Variants in GPM6A observed in about 807,000 individuals in gnomAD.
GPM6A encodes glycoprotein M6A.
GPM6A carries 7 observed loss-of-function variants against 32.1 expected under a neutral mutation model. That is an observed-to-expected ratio of 0.22 (90% CI 0.12 to 0.41). The LOEUF is 0.41. Ranked by LOEUF, GPM6A falls within the 10% of genes least tolerant of loss-of-function variation. The probability of loss-of-function intolerance (pLI) is 1.00; values close to 1 mark genes in which losing one functional copy is unlikely to be tolerated. For synonymous variants in GPM6A, 130 were observed against 123.4 expected, an observed-to-expected ratio of 1.05 and a Z score of -0.35; for missense variants, 235 against 347.2, an observed-to-expected ratio of 0.68 and a Z score of 2.57.
chr4:175,745,307 T>G (rs893790445), intron 1 of GPM6A, among the ~76,000 whole-genome samples: 6 of 152,146 alleles, frequency 3.9e-5, no homozygotes, highest in Non-Finnish European at 8.8e-5. Flanking sequence ...CTTAACAAAT[T>G]TCAGTGAAAA....
At chr4:175,892,943 C>T (rs979979517) in intron 1 of GPM6A, among the ~76,000 whole-genome samples, 6 of 152,118 alleles carry the variant, frequency 3.9e-5, no homozygotes, top group Non-Finnish European at 5.9e-5. Flanking sequence ...TTGATGTCTC[C>T]TCTCTTTGGA....
chr4:175,713,631 A>G (rs1745673388), intron 1 of GPM6A, among the ~76,000 whole-genome samples: 1 of 152,232 alleles, frequency 6.6e-6, no homozygotes, highest in Non-Finnish European at 1.5e-5. Context: ...AATCATTAAG[A>G]ACACAGAGGC....
chr4:175,729,769 AT>A (rs1310020471), intron 1 of GPM6A, among the ~76,000 whole-genome samples: 1 of 138,920 alleles, frequency 7.2e-6, no homozygotes, highest in African/African-American at 2.7e-5. Flanking sequence ...TATATTATCT[AT>A]TATATTATTT....
At chr4:175,671,024 C>A (rs1004115802) in intron 3 of GPM6A, among the ~76,000 whole-genome samples, 1 of 151,808 alleles carries the variant, frequency 6.6e-6, no homozygotes, top group Non-Finnish European at 1.5e-5. Context: ...CCACCATGCC[C>A]GGCTAATTTT....
intron 2 of GPM6A, among the ~76,000 whole-genome samples, chr4:175,684,278 G>A (rs537566356): frequency 1.3e-5 from 2 of 152,116 alleles, no homozygotes; most frequent in East Asian, 3.9e-4. Flanking sequence ...ATTTTACTAT[G>A]CAACTTTAAA....
chr4:175,819,959 A>C (rs1735223593), intron 1 of GPM6A, among the ~76,000 whole-genome samples: 1 of 152,234 alleles, frequency 6.6e-6, no homozygotes, highest in Admixed American at 6.5e-5. Flanking sequence ...ACTCAGTTTA[A>C]ACAGCAATAA....
intron 3 of GPM6A, among the ~76,000 whole-genome samples, chr4:175,665,325 C>T (rs1429492976): frequency 6.6e-6 from 1 of 151,892 alleles, no homozygotes; most frequent in Admixed American, 6.6e-5. Flanking sequence ...CTAGGGACTC[C>T]CGAGGGATAG....
In GPM6A at chr4:175,999,185, T is replaced by C. The variant is rs138844157; in HGVS notation, c.-23+3124A>G. ...TCATAGTGATATACATGTAGTCTCA[T>C]AGTGATATACATGTAGTCAAGTAGA... On this transcript the variant is annotated intron_variant, in intron 1 of 7. Transcript: ENST00000280187. 4.6e-5 allele frequency among the ~76,000 whole-genome samples: 7 copies of C among 152,366 alleles called. No individual in the cohort carries two copies. The South Asian group carries it at 1.4e-3, about 32-fold the overall frequency.
chr4:175,661,621 A>T (rs1203877674), intron 3 of GPM6A, among the ~76,000 whole-genome samples: 2 of 152,154 alleles, frequency 1.3e-5, no homozygotes, highest in African/African-American at 4.8e-5. Flanking sequence ...CAGCCCCTCC[A>T]TTGTGACCTT....
At chr4:175,989,271 G>A (rs992976154) in intron 1 of GPM6A, among the ~76,000 whole-genome samples, 2 of 152,136 alleles carry the variant, frequency 1.3e-5, no homozygotes, top group African/African-American at 4.8e-5. Flanking sequence ...TGATGTAAAA[G>A]ATAAGAGAGA....
chr4:175,811,667 C>T lies in GPM6A; in HGVS notation c.37+524G>A, dbSNP rs977244712. The stretch of plus-strand genomic sequence containing the variant: ...GAAAATTTATGAACTTTTGCTCCAT[C>T]TGCTTAAACCTATATTGCATCCTCG... On this transcript the variant is annotated intron_variant, in intron 1 of 6. Transcript: ENST00000393658. 3.9e-5 allele frequency among the ~76,000 whole-genome samples: 6 copies of T among 152,172 alleles called. No individual in the cohort carries two copies. In the South Asian group the frequency reaches 6.2e-4, roughly 16 times the overall value.
At chr4:175,724,831 G>A (rs967751707) in intron 1 of GPM6A, among the ~76,000 whole-genome samples, 4 of 151,952 alleles carry the variant, frequency 2.6e-5, no homozygotes, top group Non-Finnish European at 4.4e-5. Flanking sequence ...TGCCAAGACC[G>A]TGCATGATGT....
intron 1 of GPM6A, among the ~76,000 whole-genome samples, chr4:175,858,228 A>C (rs1191013340): frequency 6.6e-6 from 1 of 152,184 alleles, no homozygotes; most frequent in Non-Finnish European, 1.5e-5. Flanking sequence ...ATCGCTACAC[A>C]CTTATTAGAA....
At chr4:175,747,582 A>G (rs1039518997) in intron 1 of GPM6A, among the ~76,000 whole-genome samples, 1 of 152,210 alleles carries the variant, frequency 6.6e-6, no homozygotes, top group Non-Finnish European at 1.5e-5. Context: ...TAAAATATGC[A>G]ATAGCATTAT....
Position 175,633,674 on chromosome 4 carries a change from C to T in GPM6A, c.*1231G>A, listed in dbSNP as rs1170592309. On this transcript the variant is annotated 3_prime_UTR_variant, in exon 7 of 7. Coordinates refer to ENST00000393658, the MANE Select transcript of GPM6A (RefSeq NM_201591.3). ...AAATTTGGTCCAATAATACTGATTG[C>T]TCTTTGTTAAAATTCCTTTGATACA... The T allele has an allele frequency of 6.6e-6, 1 of 152,256 alleles. No individual in the cohort carries two copies. The highest frequency in any genetic ancestry group is 1.5e-5 in the Non-Finnish European group (1 of 67,880). The allele number at this position is 152,256 out of a possible 1,614,324, so 9.4% of individuals were successfully genotyped here. A position where few individuals can be genotyped will look rare whatever the true frequency, so the allele number is the denominator to read the frequency against.
chr4:175,730,592 T>C (rs1281194985), intron 1 of GPM6A, among the ~76,000 whole-genome samples: 6 of 152,056 alleles, frequency 3.9e-5, no homozygotes, highest in Non-Finnish European at 8.8e-5. Context: ...TGCCTCAGCC[T>C]CCTGAGTAGG....
intron 1 of GPM6A, among the ~76,000 whole-genome samples, chr4:175,974,771 A>T (rs894687682): frequency 2.8e-5 from 4 of 144,184 alleles, no homozygotes; most frequent in African/African-American, 1.0e-4. Context: ...CAGCCTCAAC[A>T]TTCCAAGGTC....
chr4:175,897,255 C>A (rs1187501372), intron 1 of GPM6A, among the ~76,000 whole-genome samples: 1 of 152,020 alleles, frequency 6.6e-6, no homozygotes, highest in Non-Finnish European at 1.5e-5. Flanking sequence ...ACATTGGAAG[C>A]TAGAGCCTCA....
At chr4:175,772,917 T>G (rs1733248640) in intron 1 of GPM6A, among the ~76,000 whole-genome samples, 1 of 152,210 alleles carries the variant, frequency 6.6e-6, no homozygotes, top group South Asian at 2.1e-4. Flanking sequence ...CCAAAGCATT[T>G]AAAATTTCCT....
Sources: gnomAD v4.1 joint callset for allele counts (sites outside exome capture counted in the v4.1 genomes callset) on GRCh38, gnomAD v4.1.1 for gene constraint, MANE v1.5 for transcripts, NCBI Gene and HGNC (gene_info 2026-07-23, HGNC 2026-07-21) for gene names.